The following LSP1 variants were observed in gnomAD, a reference collection of about 807,000 sequenced individuals.
LSP1 encodes the protein lymphocyte-specific protein 1.
Under a neutral mutation model 49.3 loss-of-function variants are expected in LSP1, and 32 were observed. The observed-to-expected ratio is 0.65, with a 90% CI of 0.49 to 0.87. LSP1 has a LOEUF of 0.87. Ranked by LOEUF, LSP1 falls within the 40% of genes least tolerant of loss-of-function variation. The pLI is 0.00. For missense variants in LSP1, 428 were observed against 442.6 expected (o/e 0.97, Z 0.30); for synonymous variants, 179 against 178.8 (o/e 1.00, Z -0.01).
chr11:1,884,600 C>T lies in LSP1; in HGVS notation c.717+19C>T, dbSNP rs776849220. Reference sequence around the variant, plus strand: ...CATCGAGGTATGACCTGGCTCCCCTCTGCTGTCAGGTCCCTCCTGCATCCT... The same window carrying T: ...CATCGAGGTATGACCTGGCTCCCCTTTGCTGTCAGGTCCCTCCTGCATCCT... On this transcript the variant is annotated intron_variant, in intron 7 of 10. Coordinates refer to ENST00000311604, the MANE Select transcript of LSP1 (RefSeq NM_002339.3). This position sits in a 1 kb window ranked among gnomAD's most constrained non-coding sequence, Gnocchi z 4.1. The T allele has an allele frequency of 1.9e-6, 3 of 1,606,494 alleles. No homozygotes were observed. The South Asian group carries it at 3.3e-5, about 18-fold the overall frequency.
At position 1,892,249 on chromosome 11, in the gene LSP1, C is replaced by T. The variant is rs1334684654; in HGVS notation, c.*490C>T. The T allele has an allele frequency of 6.6e-6, 1 of 152,304 alleles. No individual in the cohort carries two copies. Among genetic ancestry groups the T allele is most frequent in the Non-Finnish European group, 1.5e-5 (1 of 68,136 alleles). The allele number at this position is 152,304 out of a possible 1,614,324, so 9.4% of individuals were successfully genotyped here. A position where few individuals can be genotyped will look rare whatever the true frequency, so the allele number is the denominator to read the frequency against. ...CCCCGCCATTTTGTATAATAAAGCT[C>T]CCTGTGTATTCTCATGTGCTGGCTG... On this transcript the variant is annotated 3_prime_UTR_variant, in exon 11 of 11. Transcript: ENST00000311604.
chr11:1,866,760 T>C (rs1449103483), intron 1 of LSP1: 1 of 1,550,324 alleles, frequency 6.5e-7, no homozygotes, highest in East Asian at 2.4e-5. Context: ...GGCTCACCAG[T>C]GCTACTTAAC....
intron 1 of LSP1, among the ~76,000 whole-genome samples, chr11:1,865,578 C>T (rs973912634): frequency 1.2e-4 from 17 of 145,872 alleles, no homozygotes; most frequent in East Asian, 2.0e-4. Context: ...CCGCTCACAC[C>T]GTCCCACCTG....
rs952923904 is a variant in LSP1 at position 1,884,250 on chromosome 11, C to T, written c.592-30C>T. On this transcript the variant is annotated intron_variant, in intron 5 of 10. Transcript: ENST00000311604. The surrounding 1 kb of genome is among the most constrained non-coding windows in gnomAD (Gnocchi z 4.1). ...AGGGTGGGCTTTACCTCGGCTGCTGCAGGCCTGTGTCTCTCTCCACCCTCT... is the reference window on the plus strand; with the variant it reads ...AGGGTGGGCTTTACCTCGGCTGCTGTAGGCCTGTGTCTCTCTCCACCCTCT... 9.9e-6 allele frequency: 16 copies of T among 1,613,540 alleles called. No homozygotes were observed. Among genetic ancestry groups the T allele is most frequent in the African/African-American group, 1.3e-5 (1 of 74,886 alleles).
rs1263005551 is a variant in LSP1, at chr11:1,886,841, C to A, written c.827C>A (p.Ser276Tyr). ...GAGACGGGTGAGGTACAGGCTCAGT[C>A]TGCGGCCAAGACTCCGTCCTGCAAG... ...RWETGEVQAQ[S>Y]AAKTPSCKDI... is the part of the protein sequence containing the mutation. The change falls in exon 8 of 11, where the codon TCT becomes TAT. Residue 276 changes from serine (S) to tyrosine (Y), a missense_variant. Ser to Tyr is a moderately radical substitution (Grantham distance 144, BLOSUM62 -2). Transcript: ENST00000311604. 1 of 1,611,632 alleles carries A rather than the reference C, an allele frequency of 6.2e-7. No homozygotes were observed. Among genetic ancestry groups the A allele is most frequent in the Non-Finnish European group, 8.5e-7 (1 of 1,179,722 alleles).
At chr11:1,859,589 T>C (rs1847571557) in intron 1 of LSP1, 1 of 154,424 alleles carries the variant, frequency 6.5e-6, no homozygotes, top group African/African-American at 2.4e-5. Context: ...TCGTTCCAGA[T>C]GAATCTAGAA....
At chr11:1,886,367 A>G (rs988156893) in intron 7 of LSP1, among the ~76,000 whole-genome samples, 3 of 152,094 alleles carry the variant, frequency 2.0e-5, no homozygotes, top group African/African-American at 7.2e-5. Context: ...ATACTCCTCC[A>G]TCTAATCAAT....
chr11:1,879,866 C>A (rs1400604605), intron 1 of LSP1, among the ~76,000 whole-genome samples: 1 of 152,186 alleles, frequency 6.6e-6, no homozygotes, highest in Non-Finnish European at 1.5e-5. Context: ...TCACAGGGCC[C>A]CAGGACCCTC....
chr11:1,885,886 C>A (rs1848730091), intron 7 of LSP1, among the ~76,000 whole-genome samples: 1 of 151,934 alleles, frequency 6.6e-6, no homozygotes, highest in Admixed American at 6.6e-5. Context: ...TCAATTAATC[C>A]CCCTTCAACC....
intron 1 of LSP1, among the ~76,000 whole-genome samples, chr11:1,859,103 C>T (rs1448776029): frequency 6.6e-6 from 1 of 152,156 alleles, no homozygotes; most frequent in African/African-American, 2.4e-5. Flanking sequence ...CAGGGCCGCT[C>T]TGGTGGGGCA....
chr11:1,869,797 G>T, intron 1 of LSP1: 1 of 317,638 alleles, frequency 3.1e-6, no homozygotes. Flanking sequence ...AGAGGAGGGG[G>T]CGTGGGGGGG....
chr11:1,887,668 T>C (rs906229184), intron 10 of LSP1, 92 bp downstream of exon 10: 2 of 987,804 alleles, frequency 2.0e-6, no homozygotes, highest in Non-Finnish European at 3.1e-6. Flanking sequence ...TGGAGCCCTG[T>C]TGCAGGCTAC....
chr11:1,854,740 T>G (rs2133050775), intron 1 of LSP1, among the ~76,000 whole-genome samples: 1 of 152,192 alleles, frequency 6.6e-6, no homozygotes, highest in South Asian at 2.1e-4. Flanking sequence ...ACAACAGCTG[T>G]GTCCCAGCTG....
Position 1,886,760 on chromosome 11 carries a change from G to A in LSP1, c.746G>A (p.Arg249His), listed in dbSNP as rs147990493. ...ETAGRTPKLARQASIELPSMA... is the reference protein window; with the variant it reads ...ETAGRTPKLAHQASIELPSMA... ...GCTGGCCGGACCCCCAAGCTAGCCC[G>A]CCAGGCCTCCATAGAGCTGCCCAGC... Residue 249 changes from arginine to histidine, a missense_variant, in exon 8 of 11, where the codon CGC becomes CAC. Transcript: ENST00000311604. 7.7e-5 allele frequency: 124 copies of A among 1,611,268 alleles called. No individual in the cohort carries two copies. The highest frequency in any genetic ancestry group is 2.3e-4 in the Middle Eastern group (1 of 4,426).
intron 1 of LSP1, among the ~76,000 whole-genome samples, chr11:1,875,683 C>A (rs1049466927): frequency 6.6e-6 from 1 of 152,242 alleles, no homozygotes; most frequent in African/African-American, 2.4e-5. Context: ...CCTGCCATGC[C>A]CAGCAGGGTG....
chr11:1,855,117 C>T (rs772209466), intron 1 of LSP1, among the ~76,000 whole-genome samples: 3 of 152,176 alleles, frequency 2.0e-5, no homozygotes, highest in South Asian at 2.1e-4. Flanking sequence ...CCCCTGCCCC[C>T]GCGAATTGCA....
intron 10 of LSP1, chr11:1,890,540 T>C (rs1482668036): frequency 1.4e-6 from 1 of 714,642 alleles, no homozygotes; most frequent in Non-Finnish European, 2.6e-6. Flanking sequence ...CCTGGAGGCT[T>C]GGGCCGCACA....
intron 1 of LSP1, among the ~76,000 whole-genome samples, chr11:1,867,151 T>G (rs1847820838): frequency 1.3e-5 from 2 of 151,888 alleles, no homozygotes; most frequent in Admixed American, 6.6e-5. Flanking sequence ...AGTGGGTTGG[T>G]GGCATAAGGA....
intron 1 of LSP1, among the ~76,000 whole-genome samples, chr11:1,873,382 A>G (rs1184716269): frequency 6.6e-6 from 1 of 151,912 alleles, no homozygotes; most frequent in African/African-American, 2.4e-5. Context: ...GATCCACATC[A>G]TGGGTCAGCG....
Sources: gnomAD v4.1 joint callset for allele counts (sites outside exome capture counted in the v4.1 genomes callset) on GRCh38, gnomAD v4.1.1 for gene constraint, Gnocchi (gnomAD v3.1) non-coding constraint, MANE v1.5 for transcripts, NCBI Gene and HGNC (gene_info 2026-07-23, HGNC 2026-07-21) for gene names.